PPM1B: variants seen among roughly 807,000 people sequenced by gnomAD.
PPM1B encodes protein phosphatase 1B.
In PPM1B, 22 loss-of-function variants were observed where a neutral mutation model predicts 43.0. That is an observed-to-expected ratio of 0.51 (90% CI 0.37 to 0.73). PPM1B has a LOEUF of 0.73. Among genes scored for constraint, PPM1B ranks in the 30% least tolerant of loss-of-function variants. The pLI, the probability that PPM1B is intolerant of heterozygous loss-of-function variation, is 0.00. For missense variants in PPM1B, 632 were observed against 584.2 expected, an observed-to-expected ratio of 1.08 and a Z score of -0.84; for synonymous variants, 217 against 197.9, an observed-to-expected ratio of 1.10 and a Z score of -0.81.
downstream of PPM1B, among the ~76,000 whole-genome samples, chr2:44,244,820 G>GATATATATATATATATATAT (rs542334922): frequency 7.7e-5 from 10 of 129,906 alleles, no homozygotes; most frequent in East Asian, 4.4e-4. Context: ...AATTACTTGA[G>GATATATATATATATATATAT]ATATATATAT....
chr2:44,238,480 T>G (rs1481019424), downstream of PPM1B, among the ~76,000 whole-genome samples: 1 of 152,024 alleles, frequency 6.6e-6, no homozygotes, highest in Non-Finnish European at 1.5e-5. Context: ...GGTGGGTGGA[T>G]CACCTGAGGT....
chr2:44,194,615 T>C (rs540351881), intron 1 of PPM1B, among the ~76,000 whole-genome samples: 1 of 151,976 alleles, frequency 6.6e-6, no homozygotes, highest in South Asian at 2.1e-4. Flanking sequence ...CCCAGCTACT[T>C]GGGAGGCTGA....
At chr2:44,232,916 C>G, downstream of PPM1B, 2 of 976,114 alleles carry the variant, frequency 2.0e-6, no homozygotes, top group Non-Finnish European at 2.4e-6. Context: ...CAATAATGTC[C>G]AAATTGTAAT....
At chr2:44,190,724 CAT>C (rs1296215992) in intron 1 of PPM1B, among the ~76,000 whole-genome samples, 1 of 152,186 alleles carries the variant, frequency 6.6e-6, no homozygotes, top group African/African-American at 2.4e-5. Flanking sequence ...TTCTGTTCTA[CAT>C]ATGTGTTTAC....
intron 3 of PPM1B, among the ~76,000 whole-genome samples, chr2:44,216,038 A>G (rs1285200699): frequency 6.6e-6 from 1 of 152,208 alleles, no homozygotes; most frequent in Non-Finnish European, 1.5e-5. Context: ...TGTAGGAGGC[A>G]TATCATGTGA....
intron 1 of PPM1B, among the ~76,000 whole-genome samples, chr2:44,172,231 T>A (rs1001503001): frequency 6.6e-6 from 1 of 152,224 alleles, no homozygotes; most frequent in Non-Finnish European, 1.5e-5. Flanking sequence ...GCTGAATTAA[T>A]TTCAGAATTG....
At chr2:44,175,304 A>C (rs1667530471) in intron 1 of PPM1B, among the ~76,000 whole-genome samples, 1 of 152,124 alleles carries the variant, frequency 6.6e-6, no homozygotes, top group Admixed American at 6.6e-5. Flanking sequence ...AGCACTCCAA[A>C]TGTTAAGATT....
At chr2:44,183,735 GT>G (rs761477508) in intron 1 of PPM1B, among the ~76,000 whole-genome samples, 15 of 151,668 alleles carry the variant, frequency 9.9e-5, no homozygotes, top group Admixed American at 2.6e-4. Flanking sequence ...TGGTATCTTA[GT>G]TTTTTTTTCT....
chr2:44,207,488 T>TTA (rs1246674022), intron 2 of PPM1B, among the ~76,000 whole-genome samples: 2 of 152,204 alleles, frequency 1.3e-5, no homozygotes, highest in African/African-American at 4.8e-5. Flanking sequence ...AGAAACTCAG[T>TTA]TAAAGTAATA....
At chr2:44,169,877 A>C (rs1166441349) in intron 1 of PPM1B, among the ~76,000 whole-genome samples, 1 of 152,068 alleles carries the variant, frequency 6.6e-6, no homozygotes, top group Non-Finnish European at 1.5e-5. Context: ...TGTCATTCCT[A>C]ACAGTGAAGT....
At chr2:44,223,219 C>G (rs1368752387) in intron 5 of PPM1B, among the ~76,000 whole-genome samples, 1 of 152,114 alleles carries the variant, frequency 6.6e-6, no homozygotes, top group African/African-American at 2.4e-5. Context: ...TTATTTTTCA[C>G]TTAAATACAC....
chr2:44,245,877 G>T (rs182960731), downstream of PPM1B, among the ~76,000 whole-genome samples: 12 of 152,186 alleles, frequency 7.9e-5, no homozygotes, highest in Non-Finnish European at 1.2e-4. Context: ...CCTTCAGCAC[G>T]CTGACTCCAT....
intron 1 of PPM1B, among the ~76,000 whole-genome samples, chr2:44,175,364 C>T (rs1253107068): frequency 6.6e-6 from 1 of 152,184 alleles, no homozygotes; most frequent in Non-Finnish European, 1.5e-5. Context: ...TTTATTTACT[C>T]TGAGCTACCA....
chr2:44,232,118 C>T (rs1179270476), downstream of PPM1B, among the ~76,000 whole-genome samples: 1 of 152,040 alleles, frequency 6.6e-6, no homozygotes, highest in Non-Finnish European at 1.5e-5. Context: ...GGAAAATAAC[C>T]CAACCCAGTT....
At chr2:44,175,585 T>C (rs1400424157) in intron 1 of PPM1B, among the ~76,000 whole-genome samples, 1 of 152,166 alleles carries the variant, frequency 6.6e-6, no homozygotes, top group African/African-American at 2.4e-5. Context: ...ACAGCTGAAC[T>C]CCTTATGTGG....
intron 2 of PPM1B, among the ~76,000 whole-genome samples, chr2:44,203,598 C>G (rs1004972663): frequency 1.3e-5 from 2 of 152,090 alleles, no homozygotes; most frequent in African/African-American, 2.4e-5. Context: ...GTATATTGTT[C>G]CAGTCTTTTC....
At chr2:44,227,708 T>TG (rs1446006482) in intron 5 of PPM1B, among the ~76,000 whole-genome samples, 1 of 151,272 alleles carries the variant, frequency 6.6e-6, no homozygotes, top group Non-Finnish European at 1.5e-5. Context: ...TTAGTAGAGA[T>TG]GGGGTTTCAC....
chr2:44,238,003 C>T (rs1325827968), downstream of PPM1B, among the ~76,000 whole-genome samples: 3 of 152,128 alleles, frequency 2.0e-5, no homozygotes, highest in South Asian at 2.1e-4. Flanking sequence ...CGGGTTCAAG[C>T]GATTCTTCTG....
chr2:44,199,322 AAT>A (rs1491013467), intron 1 of PPM1B, among the ~76,000 whole-genome samples: 45 of 98,350 alleles, frequency 4.6e-4, no homozygotes, highest in African/African-American at 1.9e-3. Flanking sequence ...AAAAAATAAA[AAT>A]AAAAAAAAAA....
Sources: allele counts gnomAD v4.1 joint callset (sites outside exome capture counted in the v4.1 genomes callset), GRCh38; gene constraint gnomAD v4.1.1; transcripts MANE v1.5; gene names NCBI Gene and HGNC (gene_info 2026-07-23, HGNC 2026-07-21).